The following BMPR1A variants were observed in gnomAD, a reference collection of about 807,000 sequenced individuals.
BMPR1A encodes bone morphogenetic protein receptor type 1A.
BMPR1A carries 7 observed loss-of-function variants against 66.0 expected under a neutral mutation model. The ratio of observed to expected loss-of-function variants is 0.11; its 90% CI spans 0.06 to 0.20. BMPR1A has a LOEUF of 0.20. Among genes scored for constraint, BMPR1A ranks in the 10% least tolerant of loss-of-function variants. BMPR1A has a pLI of 1.00. For missense variants in BMPR1A, 408 were observed against 669.1 expected (o/e 0.61, Z 4.31); for synonymous variants, 200 against 229.7 (o/e 0.87, Z 1.17).
chr10:86,833,413 C>T (rs1416746312), intron 1 of BMPR1A, among the ~76,000 whole-genome samples: 2 of 152,118 alleles, frequency 1.3e-5, no homozygotes, highest in African/African-American at 2.4e-5. Flanking sequence ...CTACGTCAGA[C>T]AATATGTGTA....
chr10:86,873,285 A>G (rs892081334), intron 2 of BMPR1A, among the ~76,000 whole-genome samples: 15 of 152,112 alleles, frequency 9.9e-5, no homozygotes, highest in Admixed American at 9.2e-4. Context: ...TGGGTCGGTA[A>G]TACGTACTCC....
chr10:86,886,403 G>A (rs1430089267), intron 3 of BMPR1A, among the ~76,000 whole-genome samples: 1 of 152,198 alleles, frequency 6.6e-6, no homozygotes, highest in Admixed American at 6.5e-5. Context: ...GGGAACAGTT[G>A]GAGACTTCTT....
At chr10:86,767,566 A>G (rs1841186974) in intron 1 of BMPR1A, among the ~76,000 whole-genome samples, 1 of 152,150 alleles carries the variant, frequency 6.6e-6, no homozygotes, top group African/African-American at 2.4e-5. Flanking sequence ...TAGTCTCAGC[A>G]ACTCAGGAAG....
intron 1 of BMPR1A, among the ~76,000 whole-genome samples, chr10:86,758,271 C>T (rs1475273868): frequency 6.6e-6 from 1 of 152,176 alleles, no homozygotes; most frequent in Non-Finnish European, 1.5e-5. Flanking sequence ...TTCACTTCTC[C>T]CCACCCTTTA....
At chr10:86,915,693 C>CTCCA (rs1340788015) in intron 8 of BMPR1A, among the ~76,000 whole-genome samples, 13 of 152,172 alleles carry the variant, frequency 8.5e-5, no homozygotes, top group Admixed American at 2.0e-4. Flanking sequence ...GGCCGCCGCA[C>CTCCA]TCCAGCCTGA....
rs749648512 is a variant in BMPR1A, at chr10:86,857,615, TC to T, written c.-152-18251del. ...GGCTACAGTCATCTGAAAGCCTGACTCGGGGAGAATACACTTCCATGTGGCA... is the reference window on the plus strand; with the variant it reads ...GGCTACAGTCATCTGAAAGCCTGACTGGGGAGAATACACTTCCATGTGGCA... On this transcript the variant is annotated intron_variant, in intron 2 of 12. Coordinates refer to ENST00000372037, the MANE Select transcript of BMPR1A (RefSeq NM_004329.3). Among the ~76,000 whole-genome samples the T allele has an allele frequency of 5.0e-4, 76 of 152,170 alleles. 1 individual carries two copies. In the South Asian group the frequency reaches 5.2e-3, roughly 10 times the overall value.
At chr10:86,855,741 T>G (rs567291177) in intron 2 of BMPR1A, 1 of 925,992 alleles carries the variant, frequency 1.1e-6, no homozygotes, top group African/African-American at 1.7e-5. Flanking sequence ...AGACCAGCTT[T>G]CTTTTTCATT....
chr10:86,847,474 G>C (rs568241707), intron 2 of BMPR1A, among the ~76,000 whole-genome samples: 2 of 151,718 alleles, frequency 1.3e-5, no homozygotes, highest in Admixed American at 6.6e-5. Flanking sequence ...TAGGGCAGGG[G>C]TTAGGGAACG....
intron 1 of BMPR1A, among the ~76,000 whole-genome samples, chr10:86,765,382 G>T (rs1478409967): frequency 6.7e-6 from 1 of 150,066 alleles, no homozygotes; most frequent in African/African-American, 2.5e-5. Flanking sequence ...TACTCAGGAG[G>T]CTAAGACAGG....
chr10:86,798,836 T>G (rs1354215439), intron 1 of BMPR1A, among the ~76,000 whole-genome samples: 1 of 152,256 alleles, frequency 6.6e-6, no homozygotes, highest in African/African-American at 2.4e-5. Flanking sequence ...ACTGAAACTG[T>G]AAGCTCATGT....
intron 2 of BMPR1A, among the ~76,000 whole-genome samples, chr10:86,853,833 G>C (rs929807720): frequency 6.6e-5 from 10 of 152,194 alleles, no homozygotes; most frequent in African/African-American, 2.4e-4. Context: ...AATGGAGGCA[G>C]GGCGAGATCA....
chr10:86,843,583 A>G (rs1179829359), intron 2 of BMPR1A: 1 of 152,242 alleles, frequency 6.6e-6, no homozygotes, highest in Admixed American at 6.5e-5. Flanking sequence ...ACAGGAGTAA[A>G]TTGTTGCTTC....
At chr10:86,853,202 T>A (rs1842595415) in intron 2 of BMPR1A, among the ~76,000 whole-genome samples, 1 of 152,060 alleles carries the variant, frequency 6.6e-6, no homozygotes, top group African/African-American at 2.4e-5. Flanking sequence ...TGGATATTTC[T>A]GTAACTGTTA....
intron 2 of BMPR1A, among the ~76,000 whole-genome samples, chr10:86,849,917 G>A (rs1421901185): frequency 2.0e-5 from 3 of 152,154 alleles, no homozygotes; most frequent in Admixed American, 2.0e-4. Context: ...CTAACACAGT[G>A]TATGAACAAT....
At position 86,838,901 on chromosome 10, in the gene BMPR1A, G is replaced by A. The variant is rs1182798348; in HGVS notation, c.-231G>A. ...TATGCATCAGTTTAATACTGTCTTGGAATTCATGAGATGGAAGCATAGGTC... is the reference window on the plus strand; with the variant it reads ...TATGCATCAGTTTAATACTGTCTTGAAATTCATGAGATGGAAGCATAGGTC... On this transcript the variant is annotated 5_prime_UTR_variant, in exon 2 of 13. The change creates a premature stop within an existing upstream ORF in the 5' untranslated region. Coordinates refer to ENST00000372037, the MANE Select transcript of BMPR1A (RefSeq NM_004329.3). 6.6e-6 allele frequency: 1 copy of A among 151,992 alleles called. No homozygotes were observed. Among genetic ancestry groups the A allele is most frequent in the Non-Finnish European group, 1.5e-5 (1 of 68,002 alleles). 9.4% of individuals were successfully genotyped at this position (151,992 alleles called of 1,614,324 possible).
chr10:86,801,131 T>C (rs1400241767), intron 1 of BMPR1A, among the ~76,000 whole-genome samples: 2 of 152,206 alleles, frequency 1.3e-5, no homozygotes, highest in Non-Finnish European at 2.9e-5. Flanking sequence ...TTTTAAATTC[T>C]TTAATTTTTG....
chr10:86,883,871 C>CTTTTTTTT (rs111255462), intron 3 of BMPR1A, among the ~76,000 whole-genome samples: 1 of 135,250 alleles, frequency 7.4e-6, no homozygotes, highest in Non-Finnish European at 1.6e-5. Flanking sequence ...GAGCGTATGA[C>CTTTTTTTT]TTTTTTTTTT....
In BMPR1A at chr10:86,875,786, G is replaced by C. The variant is rs1284608878; in HGVS notation, c.-152-81G>C. ...TTTCATTGTTTAAAGGTGTGTTTGG[G>C]CATTTGTTTCCCTTTTAGTTTTTGA... On this transcript the variant is annotated intron_variant, in intron 2 of 12. Transcript: ENST00000372037. 10 of 576,564 alleles carry C rather than the reference G, an allele frequency of 1.7e-5. 1 individual carries two copies. Among genetic ancestry groups the C allele is most frequent in the Non-Finnish European group, 2.8e-5 (9 of 325,316 alleles). The allele number at this position is 576,564 out of a possible 1,614,324, so 35.7% of individuals were successfully genotyped here. A position where few individuals can be genotyped will look rare whatever the true frequency, so the allele number is the denominator to read the frequency against.
intron 1 of BMPR1A, among the ~76,000 whole-genome samples, chr10:86,807,566 A>T (rs1234000584): frequency 6.6e-6 from 1 of 152,200 alleles, no homozygotes; most frequent in East Asian, 1.9e-4. Flanking sequence ...TTTTTTGTGT[A>T]GAGACAGAGT....
Sources: allele counts gnomAD v4.1 joint callset (sites outside exome capture counted in the v4.1 genomes callset), GRCh38; gene constraint gnomAD v4.1.1; transcripts MANE v1.5; gene names NCBI Gene and HGNC (gene_info 2026-07-23, HGNC 2026-07-21).